NANS: variants seen among roughly 807,000 people sequenced by gnomAD.
The protein encoded by NANS is N-acetylneuraminate synthase, also known as N-acetylneuraminate-9-phosphate synthase.
A neutral mutation model predicts 33.3 loss-of-function variants in NANS; 29 were observed. The observed-to-expected ratio is 0.87, with a 90% confidence interval of 0.65 to 1.19. NANS has a LOEUF of 1.19. NANS is among the 50% of genes most tolerant of loss of function. The pLI is 0.00. For missense variants in NANS, 394 were observed against 461.1 expected (o/e 0.85, Z 1.33); for synonymous variants, 163 against 177.2 (o/e 0.92, Z 0.64).
At chr9:98,061,511 G>A (rs1828978733) in intron 2 of NANS, among the ~76,000 whole-genome samples, 1 of 148,230 alleles carries the variant, frequency 6.7e-6, no homozygotes, top group African/African-American at 2.5e-5. Context: ...GCCAGGCGCG[G>A]TGTCTCACAC....
chr9:98,071,269 T>G (rs1427085539), intron 2 of NANS, among the ~76,000 whole-genome samples: 1 of 152,216 alleles, frequency 6.6e-6, no homozygotes, highest in African/African-American at 2.4e-5. Context: ...CCCGACTGTA[T>G]GATGCACACC....
At chr9:98,079,470 A>G (rs941853375) in intron 4 of NANS, among the ~76,000 whole-genome samples, 6 of 87,126 alleles carry the variant, frequency 6.9e-5, no homozygotes, top group African/African-American at 1.3e-4. Flanking sequence ...TACAGCCATT[A>G]ACTTAAAAAG....
At position 98,080,821 on chromosome 9, in the gene NANS, T is replaced by C. The variant is rs2118021315; in HGVS notation, c.609T>C (p.Tyr203=). 6.3e-7 allele frequency: 1 copy of C among 1,576,566 alleles called. No individual in the cohort carries two copies. Among genetic ancestry groups the C allele is most frequent in the East Asian group, 2.3e-5 (1 of 44,234 alleles). Residue 203 remains tyrosine (Y), a synonymous_variant, in exon 5 of 6, where the codon TAT becomes TAC. Transcript: ENST00000210444. The part of the protein sequence containing the change: ...EDVNLRVISE[Y]QKLFPDIPIG... ...TTTCTTTTTCCATTTTAAAGGAATA[T>C]CAGAAGCTCTTTCCTGACATTCCCA...
At chr9:98,060,740 A>C in intron 1 of NANS, 42 bp from the exon 2 acceptor site, 2 of 1,597,102 alleles carry the variant, frequency 1.3e-6, no homozygotes, top group Non-Finnish European at 1.7e-6. Context: ...TTTTTTGAGA[A>C]TCTACGACAG....
At chr9:98,057,517 C>T (rs1385964795) in intron 1 of NANS, among the ~76,000 whole-genome samples, 1 of 152,172 alleles carries the variant, frequency 6.6e-6, no homozygotes, top group African/African-American at 2.4e-5. Flanking sequence ...CTTACTTAGC[C>T]TCCGTGAACC....
intron 2 of NANS, among the ~76,000 whole-genome samples, chr9:98,066,415 C>T (rs1021404724): frequency 2.6e-5 from 4 of 152,120 alleles, no homozygotes; most frequent in African/African-American, 9.7e-5. Flanking sequence ...CCTCTGGCAG[C>T]GGCTCACCTA....
At chr9:98,069,961 G>A (rs539756098) in intron 2 of NANS, among the ~76,000 whole-genome samples, 3 of 152,318 alleles carry the variant, frequency 2.0e-5, no homozygotes, top group African/African-American at 7.2e-5. Flanking sequence ...CATTCACCCA[G>A]TTGTGGTATT....
At chr9:98,073,271 C>CTTTTTTTTTTTTTTTTTTTT (rs10606237) in intron 2 of NANS, among the ~76,000 whole-genome samples, 1 of 57,826 alleles carries the variant, frequency 1.7e-5, no homozygotes, top group Non-Finnish European at 3.0e-5. Context: ...TCACCATGGG[C>CTTTTTTTTTTTTTTTTTTTT]TTTTTTTTTT....
At chr9:98,071,004 G>T (rs1180151673) in intron 2 of NANS, among the ~76,000 whole-genome samples, 1 of 150,982 alleles carries the variant, frequency 6.6e-6, no homozygotes, top group African/African-American at 2.4e-5. Flanking sequence ...GTAGAGATGG[G>T]GTCTCCCTAT....
intron 2 of NANS, among the ~76,000 whole-genome samples, chr9:98,062,210 T>TAA (rs112548147): frequency 3.7e-5 from 5 of 133,730 alleles, no homozygotes; most frequent in South Asian, 2.3e-4. Context: ...TGTCTCTTAA[T>TAA]AAAAAAAAAA....
intron 2 of NANS, 29 bp from the exon 3 acceptor site, chr9:98,076,889 A>G: frequency 6.4e-7 from 1 of 1,567,890 alleles, no homozygotes; most frequent in Non-Finnish European, 8.7e-7. Context: ...GACAATGGTG[A>G]AAAGGAGCTC....
chr9:98,078,492 G>C (rs1364030512), intron 4 of NANS, 145 bp downstream of exon 4: 2 of 1,147,282 alleles, frequency 1.7e-6, no homozygotes, highest in East Asian at 2.5e-5. Flanking sequence ...AATCAAATTC[G>C]AGCTAAGCAG....
intron 2 of NANS, among the ~76,000 whole-genome samples, chr9:98,072,941 A>G (rs185305149): frequency 6.6e-5 from 10 of 152,318 alleles, no homozygotes; most frequent in Admixed American, 6.5e-4. Flanking sequence ...GTGTGGCAGA[A>G]TTTTATTAAG....
intron 2 of NANS, among the ~76,000 whole-genome samples, chr9:98,073,007 A>T (rs1280891520): frequency 2.0e-5 from 3 of 152,226 alleles, no homozygotes; most frequent in African/African-American, 7.2e-5. Context: ...TGTGGAACTC[A>T]GGTGAAACAG....
intron 4 of NANS, 90 bp downstream of exon 4, chr9:98,078,437 C>A: frequency 6.9e-7 from 1 of 1,449,018 alleles, no homozygotes; most frequent in Non-Finnish European, 9.4e-7. Flanking sequence ...ACAAACATGG[C>A]ATACTTTATA....
intron 2 of NANS, among the ~76,000 whole-genome samples, chr9:98,064,041 A>C (rs1430065613): frequency 1.3e-5 from 2 of 152,170 alleles, no homozygotes; most frequent in Admixed American, 1.3e-4. Flanking sequence ...CCAGTTCTAA[A>C]ACATGTGTGT....
chr9:98,058,847 C>T (rs1206173979), intron 1 of NANS, among the ~76,000 whole-genome samples: 1 of 152,150 alleles, frequency 6.6e-6, no homozygotes, highest in Non-Finnish European at 1.5e-5. Flanking sequence ...CAACTTTAGT[C>T]AGGTCAGTCT....
At chr9:98,073,521 G>A (rs2117878167) in intron 2 of NANS, among the ~76,000 whole-genome samples, 1 of 150,986 alleles carries the variant, frequency 6.6e-6, no homozygotes, top group East Asian at 2.0e-4. Context: ...CTGACCTCGT[G>A]ATCTGCCCGC....
chr9:98,078,907 T>C (rs897511162), intron 4 of NANS, among the ~76,000 whole-genome samples: 1 of 151,764 alleles, frequency 6.6e-6, no homozygotes, highest in Non-Finnish European at 1.5e-5. Context: ...CTATTGTGAA[T>C]GATGCTGCTA....
Sources: gnomAD v4.1 joint callset for allele counts (sites outside exome capture counted in the v4.1 genomes callset) on GRCh38, gnomAD v4.1.1 for gene constraint, MANE v1.5 for transcripts, NCBI Gene and HGNC (gene_info 2026-07-23, HGNC 2026-07-21) for gene names.